The following HPS5 variants were observed in gnomAD, a reference collection of about 807,000 sequenced individuals.
HPS5 encodes the protein HPS5 biogenesis of lysosomal organelles complex 2 subunit 2, also known as BLOC-2 complex member HPS5.
A neutral mutation model predicts 128.0 loss-of-function variants in HPS5; 83 were observed. The ratio of observed to expected loss-of-function variants is 0.65; its 90% CI spans 0.54 to 0.78. The LOEUF (loss-of-function observed/expected upper bound fraction) is 0.78. Ranked by LOEUF, HPS5 falls within the 30% of genes least tolerant of loss-of-function variation. The pLI is 0.00. For missense variants in HPS5, 1,281 were observed against 1,326.2 expected (o/e 0.97, Z 0.53); for synonymous variants, 475 against 470.2 (o/e 1.01, Z -0.13).
At chr11:18,309,144 T>A in intron 5 of HPS5, 65 bp from the exon 6 acceptor site, 1 of 1,451,784 alleles carries the variant, frequency 6.9e-7, no homozygotes, top group Non-Finnish European at 9.6e-7. Context: ...AATCTCTTCC[T>A]CTTTACCTTG....
intron 2 of HPS5, among the ~76,000 whole-genome samples, chr11:18,317,130 C>T (rs1487062319): frequency 6.6e-6 from 1 of 150,840 alleles, no homozygotes; most frequent in Non-Finnish European, 1.5e-5. Flanking sequence ...GGAGGCGGAG[C>T]ATGCAGTGAG....
intron 3 of HPS5, 123 bp downstream of exon 3, chr11:18,311,791 G>C (rs751763509): frequency 4.9e-6 from 4 of 818,808 alleles, no homozygotes; most frequent in Non-Finnish European, 8.5e-6. Flanking sequence ...GATTACAGGC[G>C]TGAGACACCG....
rs570796066 is a variant in HPS5, at chr11:18,305,036, G to A, written c.896+386C>T. Among the ~76,000 whole-genome samples the A allele has an allele frequency of 7.9e-5, 12 of 152,306 alleles. No homozygotes were observed. In the South Asian group the frequency reaches 2.5e-3, roughly 32 times the overall value. ...AGCTGAAATTTCACCAAGCTTACAA[G>A]AACAAGTTCTACAACTATTTTTGTG... On this transcript the variant is annotated intron_variant, in intron 8 of 22. Transcript: ENST00000349215.
rs2134375121 is a variant in HPS5, at chr11:18,300,858, C to T, written c.955G>A (p.Val319Ile). The change falls in exon 9 of 23, where the codon GTT becomes ATT. Residue 319 changes from valine to isoleucine, a missense_variant. Val to Ile is a conservative substitution (Grantham distance 29). Coordinates refer to ENST00000349215, the MANE Select transcript of HPS5 (RefSeq NM_181507.2). The part of the protein sequence containing the change: ...RGIYIFIPQN[V>I]QVLLWSEVKD... ...ACTTCACTCCAAAGAAGAACTTGAA[C>T]ATTCTGAGGAATGAAAATATAAATT... is the stretch of plus-strand genomic sequence containing the variant. 1 of 1,594,024 alleles carries T rather than the reference C, an allele frequency of 6.3e-7. No homozygotes were observed.
intron 2 of HPS5, among the ~76,000 whole-genome samples, chr11:18,313,698 G>A (rs986410423): frequency 4.6e-5 from 7 of 151,434 alleles, no homozygotes; most frequent in African/African-American, 7.3e-5. Flanking sequence ...GGCGGATCAC[G>A]AGGTTAGGAG....
At chr11:18,320,931 A>G (rs1246594105) in intron 1 of HPS5, among the ~76,000 whole-genome samples, 3 of 152,238 alleles carry the variant, frequency 2.0e-5, no homozygotes, top group Non-Finnish European at 2.9e-5. Flanking sequence ...CATAAATAAA[A>G]TCTTCTTAGC....
At chr11:18,318,680 A>C (rs1863928510) in intron 1 of HPS5, among the ~76,000 whole-genome samples, 1 of 152,224 alleles carries the variant, frequency 6.6e-6, no homozygotes. Context: ...TCTACTCATT[A>C]ATTATAACTT....
At chr11:18,281,575 CTT>C (rs10712750) in intron 22 of HPS5, among the ~76,000 whole-genome samples, 87 of 149,996 alleles carry the variant, frequency 5.8e-4, no homozygotes, top group African/African-American at 1.8e-3. Context: ...AATTTTTGTA[CTT>C]TTTTTTTTTA....
rs947030104 is a variant in HPS5, at chr11:18,279,568, G to A, written c.*314C>T. The A allele has an allele frequency of 1.4e-5, 5 of 366,320 alleles. No homozygotes were observed. The highest frequency in any genetic ancestry group is 5.9e-5 in the South Asian group (2 of 33,772). The allele number at this position is 366,320 out of a possible 1,614,324, so 22.7% of individuals were successfully genotyped here. On this transcript the variant is annotated 3_prime_UTR_variant, in exon 23 of 23. Coordinates refer to ENST00000349215, the MANE Select transcript of HPS5 (RefSeq NM_181507.2). Reference sequence around the variant, plus strand: ...AATCTGTCTAATCCACTAGCAACAAGCAGTTAATACTGTAGTTCGGAATAA... The same window carrying A: ...AATCTGTCTAATCCACTAGCAACAAACAGTTAATACTGTAGTTCGGAATAA...
intron 1 of HPS5, among the ~76,000 whole-genome samples, chr11:18,321,399 T>G (rs1288558116): frequency 6.6e-6 from 1 of 152,232 alleles, no homozygotes; most frequent in East Asian, 1.9e-4. Flanking sequence ...AAGCTGAGTT[T>G]AAATGTTACT....
At chr11:18,288,582 A>G (rs917188690) in intron 16 of HPS5, among the ~76,000 whole-genome samples, 1 of 150,414 alleles carries the variant, frequency 6.6e-6, no homozygotes, top group Non-Finnish European at 1.5e-5. Context: ...GATGATCTAA[A>G]ACTATTTGTG....
At position 18,279,995 on chromosome 11, in the gene HPS5, T is replaced by C. The variant is rs543728640; in HGVS notation, c.3330-53A>G. ...AAATTTAGTTGTCATTGTTCATTCTTCACAGAAAACTTAAAAACTACAGAG... is the reference window on the plus strand; with the variant it reads ...AAATTTAGTTGTCATTGTTCATTCTCCACAGAAAACTTAAAAACTACAGAG... On this transcript the variant is annotated intron_variant, in intron 22 of 22. Coordinates refer to ENST00000349215, the MANE Select transcript of HPS5 (RefSeq NM_181507.2). 1.4e-4 allele frequency: 223 copies of C among 1,568,184 alleles called. 1 individual carries two copies. The highest frequency in any genetic ancestry group is 1.2e-3 in the South Asian group (112 of 89,846).
In HPS5 at chr11:18,296,889, T is replaced by C. The variant is rs1398427644; in HGVS notation, c.1419A>G (p.Gln473=). The C allele has an allele frequency of 1.2e-6, 2 of 1,613,740 alleles. No individual in the cohort carries two copies. The highest frequency in any genetic ancestry group is 1.7e-5 in the Admixed American group (1 of 60,010). ...SDEDSCSLHS[Q]TLSEDERFKE... is the part of the protein sequence containing the mutation. ...TAAATCTCTCATCTTCTGAGAGGGTTTGGCTGTGAAGGGAGCAAGAGTCTT... is the reference window on the plus strand; with the variant it reads ...TAAATCTCTCATCTTCTGAGAGGGTCTGGCTGTGAAGGGAGCAAGAGTCTT... Residue 473 remains glutamine (Q), a synonymous_variant, in exon 12 of 23, where the codon CAA becomes CAG. Coordinates refer to ENST00000349215, the MANE Select transcript of HPS5 (RefSeq NM_181507.2).
At chr11:18,297,789 A>T in intron 10 of HPS5, 72 bp from the exon 11 acceptor site, 1 of 1,467,472 alleles carries the variant, frequency 6.8e-7, no homozygotes, top group South Asian at 1.1e-5. Flanking sequence ...ATATATTGAA[A>T]GAGGTCTAGG....
In HPS5 at chr11:18,291,946, G is replaced by A; in HGVS notation, c.1936C>T (p.His646Tyr). ...TTCATGGCAAATGTTTTTTCTAAATGTGAAAGCCACTCCTGTAAAACCATT... is the reference window on the plus strand; with the variant it reads ...TTCATGGCAAATGTTTTTTCTAAATATGAAAGCCACTCCTGTAAAACCATT... The part of the protein sequence containing the change: ...LRMVLQEWLS[H>Y]LEKTFAMKDF... Residue 646 changes from histidine to tyrosine, a missense_variant, in exon 16 of 23, where the codon CAT (histidine) becomes TAT (tyrosine). Coordinates refer to ENST00000349215, the MANE Select transcript of HPS5 (RefSeq NM_181507.2). 6.2e-7 allele frequency: 1 copy of A among 1,608,970 alleles called. No individual in the cohort carries two copies. Among genetic ancestry groups the A allele is most frequent in the East Asian group, 2.2e-5 (1 of 44,846 alleles).
chr11:18,311,292 T>C (rs1301108415), intron 4 of HPS5, 95 bp downstream of exon 4: 3 of 920,352 alleles, frequency 3.3e-6, no homozygotes, highest in South Asian at 2.7e-5. Flanking sequence ...GGGACAATCC[T>C]AGGCAAACCA....
At chr11:18,282,924 A>G (rs1479500607) in intron 21 of HPS5, among the ~76,000 whole-genome samples, 1 of 152,204 alleles carries the variant, frequency 6.6e-6, no homozygotes, top group Non-Finnish European at 1.5e-5. Flanking sequence ...ATCAGAAATA[A>G]GGGGCCTGCA....
At position 18,291,653 on chromosome 11, in the gene HPS5, T is replaced by C. The variant is rs1333959259; in HGVS notation, c.2229A>G (p.Leu743=). 1 of 1,614,096 alleles carries C rather than the reference T, an allele frequency of 6.2e-7. No homozygotes were observed. Among genetic ancestry groups the C allele is most frequent in the East Asian group, 2.2e-5 (1 of 44,894 alleles). The change falls in exon 16 of 23, where the codon TTA becomes TTG. Residue 743 remains leucine (L), a synonymous_variant. Transcript: ENST00000349215. ...LRNDLAELTT[L]CLELNVLNSK... The stretch of plus-strand genomic sequence containing the variant: ...AATTCAATACATTCAACTCCAAACA[T>C]AATGTTGTCAATTCAGCCAGGTCGT...
At chr11:18,311,579 C>T (rs532447068) in intron 3 of HPS5, 128 bp from the exon 4 acceptor site, 25 of 576,282 alleles carry the variant, frequency 4.3e-5, no homozygotes, top group African/African-American at 1.8e-4. Context: ...GGTGCGATCT[C>T]GGCTCACTGC....
Sources: allele counts gnomAD v4.1 joint callset (sites outside exome capture counted in the v4.1 genomes callset), GRCh38; gene constraint gnomAD v4.1.1; transcripts MANE v1.5; gene names NCBI Gene and HGNC (gene_info 2026-07-23, HGNC 2026-07-21).